The following PHLPP2 variants were observed in gnomAD, a reference collection of about 807,000 sequenced individuals.
PHLPP2 encodes PH domain leucine-rich repeat-containing protein phosphatase 2.
PHLPP2 carries 66 observed loss-of-function variants against 124.9 expected under a neutral mutation model. The ratio of observed to expected loss-of-function variants is 0.53; its 90% CI spans 0.43 to 0.65. The LOEUF (loss-of-function observed/expected upper bound fraction) is 0.65, where lower values mean the gene tolerates loss of function less well. Among genes scored for constraint, PHLPP2 ranks in the 30% least tolerant of loss-of-function variants. PHLPP2 has a pLI of 0.00. For synonymous variants in PHLPP2, 681 were observed against 624.7 expected, an observed-to-expected ratio of 1.09 and a Z score of -1.34; for missense variants, 1,685 against 1,600.4, an observed-to-expected ratio of 1.05 and a Z score of -0.90.
At chr16:71,690,782 T>A (rs1163807395) in intron 3 of PHLPP2, 73 bp from the exon 4 acceptor site, 13 of 1,055,432 alleles carry the variant, frequency 1.2e-5, no homozygotes, top group Non-Finnish European at 1.8e-5. Flanking sequence ...AAAGAAAGCA[T>A]TGTGTGTCAA....
intron 4 of PHLPP2, 84 bp downstream of exon 4, chr16:71,690,435 G>A: frequency 1.1e-6 from 1 of 944,074 alleles, no homozygotes; most frequent in South Asian, 1.6e-5. Context: ...GAAAAGATAT[G>A]ACTAAAAGCT....
At position 71,673,940 on chromosome 16, in the gene PHLPP2, C is replaced by T. The variant is rs985320559; in HGVS notation, c.1472-1618G>A. ...GCTTCTATAACATAATAAAAGGCAA[C>T]GCAAACAGAAGTCCTCAACTTTTAT... On this transcript the variant is annotated intron_variant, in intron 9 of 18. Coordinates refer to ENST00000568954, the MANE Select transcript of PHLPP2 (RefSeq NM_015020.3). Among the ~76,000 whole-genome samples the T allele has an allele frequency of 3.3e-4, 50 of 152,268 alleles. 1 individual carries two copies. Among genetic ancestry groups the T allele is most frequent in the African/African-American group, 1.2e-3 (49 of 41,546 alleles).
At chr16:71,677,777 T>C (rs1597000315) in intron 8 of PHLPP2, 1 of 152,118 alleles carries the variant, frequency 6.6e-6, no homozygotes, top group Admixed American at 6.5e-5. Flanking sequence ...AAGTTCTTAG[T>C]AATGAAACCC....
At chr16:71,719,988 T>TTTTTTTTTTTTTTTTTTTTTG (rs869036837) in intron 1 of PHLPP2, among the ~76,000 whole-genome samples, 1 of 139,052 alleles carries the variant, frequency 7.2e-6, no homozygotes, top group Non-Finnish European at 1.6e-5. Flanking sequence ...TTTTTTTTTT[T>TTTTTTTTTTTTTTTTTTTTTG]GAGACGGAGT....
intron 1 of PHLPP2, among the ~76,000 whole-genome samples, chr16:71,716,056 C>T (rs562667463): frequency 6.6e-6 from 1 of 151,486 alleles, no homozygotes; most frequent in East Asian, 1.9e-4. Flanking sequence ...ATTTAAACTT[C>T]ATCTAATCCT....
chr16:71,653,830 T>A (rs570360436), intron 17 of PHLPP2, among the ~76,000 whole-genome samples: 4 of 152,292 alleles, frequency 2.6e-5, no homozygotes, highest in South Asian at 2.1e-4. Context: ...AACACTTTGC[T>A]TTGTGTTATG....
At chr16:71,697,072 G>A (rs1381215072) in intron 3 of PHLPP2, among the ~76,000 whole-genome samples, 1 of 151,976 alleles carries the variant, frequency 6.6e-6, no homozygotes, top group African/African-American at 2.4e-5. Flanking sequence ...TCAGGAGGCT[G>A]AGGAAGGAGA....
chr16:71,650,587 T>A (rs781716708), intron 18 of PHLPP2, among the ~76,000 whole-genome samples: 2 of 152,208 alleles, frequency 1.3e-5, no homozygotes, highest in Non-Finnish European at 2.9e-5. Context: ...GGGGACTGTA[T>A]CAAGAATAAA....
intron 1 of PHLPP2, 112 bp from the exon 2 acceptor site, chr16:71,714,913 T>C (rs2045351104): frequency 7.5e-7 from 1 of 1,339,540 alleles, no homozygotes. Flanking sequence ...TCTGCTCAAG[T>C]ATCCCCTCCT....
chr16:71,698,623 C>T, intron 3 of PHLPP2: 1 of 602,640 alleles, frequency 1.7e-6, no homozygotes, highest in Non-Finnish European at 3.2e-6. Context: ...GAGTACGCTA[C>T]CAAGGAAGCT....
intron 4 of PHLPP2, among the ~76,000 whole-genome samples, chr16:71,687,763 T>G (rs1432205663): frequency 6.6e-6 from 1 of 152,212 alleles, no homozygotes; most frequent in Non-Finnish European, 1.5e-5. Flanking sequence ...ATCTAAACAC[T>G]CATTTTGTCT....
chr16:71,672,321 C>A lies in PHLPP2; in HGVS notation c.1473G>T (p.Arg491Ser), dbSNP rs764209734. 5 of 1,612,262 alleles carry A rather than the reference C, an allele frequency of 3.1e-6. No homozygotes were observed. The highest frequency in any genetic ancestry group is 1.3e-5 in the African/African-American group (1 of 74,878). Reference sequence around the variant, plus strand: ...CTGGATAGACGTTCACTGCTGTCAGCCCTAATCCAAAAACAAACAGGTGTT... The same window carrying A: ...CTGGATAGACGTTCACTGCTGTCAGACCTAATCCAAAAACAAACAGGTGTT... Reference protein sequence around the residue: ...SLRTLYASSNRLTAVNVYPVP... With the variant: ...SLRTLYASSNSLTAVNVYPVP... Residue 491 changes from arginine (R) to serine (S), a missense_variant and splice_region_variant, in exon 10 of 19, where the codon AGG (arginine) becomes AGT (serine). Physicochemically the swap from Arg to Ser is moderately radical, Grantham distance 110. Transcript: ENST00000568954.
chr16:71,659,247 ATTTTTTTTTTTT>A (rs11357819), intron 13 of PHLPP2, among the ~76,000 whole-genome samples: 1 of 89,866 alleles, frequency 1.1e-5, no homozygotes, highest in African/African-American at 4.2e-5. Context: ...CATCACAAAG[ATTTTTTTTTTTT>A]TTTTTTTTTG....
chr16:71,673,670 A>G (rs544345123), intron 9 of PHLPP2, among the ~76,000 whole-genome samples: 7 of 152,128 alleles, frequency 4.6e-5, no homozygotes, highest in Non-Finnish European at 1.0e-4. Context: ...TATTTCATTT[A>G]TCTGTACATA....
At position 71,693,661 on chromosome 16, in the gene PHLPP2, C is replaced by G. The variant is rs1171434291; in HGVS notation, c.419-2952G>C. 9.2e-5 allele frequency among the ~76,000 whole-genome samples: 14 copies of G among 152,274 alleles called. No homozygotes were observed. In the South Asian group the frequency reaches 1.2e-3, roughly 14 times the overall value. The stretch of plus-strand genomic sequence containing the variant: ...AACTCCTGATGGAGCACCCATGGCC[C>G]AAAACAATCTGGACTCAAATTAACT... On this transcript the variant is annotated intron_variant, in intron 3 of 18. Coordinates refer to ENST00000568954, the MANE Select transcript of PHLPP2 (RefSeq NM_015020.3).
intron 12 of PHLPP2, among the ~76,000 whole-genome samples, chr16:71,664,542 A>T (rs2044821928): frequency 6.6e-6 from 1 of 152,048 alleles, no homozygotes; most frequent in African/African-American, 2.4e-5. Context: ...AGGTCAAGAG[A>T]TCAAGACCAT....
Position 71,678,746 on chromosome 16 carries a change from TA to T in PHLPP2, c.1268+8del. The T allele has an allele frequency of 7.1e-7, 1 of 1,403,884 alleles. No individual in the cohort carries two copies. The highest frequency in any genetic ancestry group is 1.0e-6 in the Non-Finnish European group (1 of 988,270). 87.0% of individuals were successfully genotyped at this position (1,403,884 alleles called of 1,614,324 possible). ...ATTTAAAGGAAGGTGTGGTAAAGAA[TA>T]ACCTTACCTTAAATCCACATGCTTG... is the stretch of plus-strand genomic sequence containing the variant. On this transcript the variant is annotated splice_region_variant and intron_variant, in intron 8 of 18. Coordinates refer to ENST00000568954, the MANE Select transcript of PHLPP2 (RefSeq NM_015020.3).
chr16:71,713,321 TTAC>T (rs1171502468), intron 2 of PHLPP2, among the ~76,000 whole-genome samples: 3 of 152,198 alleles, frequency 2.0e-5, no homozygotes, highest in Non-Finnish European at 2.9e-5. Flanking sequence ...TACATAAAAT[TTAC>T]TACTAACATA....
At chr16:71,695,063 G>C (rs550410324) in intron 3 of PHLPP2, among the ~76,000 whole-genome samples, 1 of 152,168 alleles carries the variant, frequency 6.6e-6, no homozygotes, top group Admixed American at 6.5e-5. Flanking sequence ...GGGATTACAG[G>C]CATGAGCCAC....
Sources: gnomAD v4.1 joint callset for allele counts (sites outside exome capture counted in the v4.1 genomes callset) on GRCh38, gnomAD v4.1.1 for gene constraint, MANE v1.5 for transcripts, NCBI Gene and HGNC (gene_info 2026-07-23, HGNC 2026-07-21) for gene names.